Variants in ELMO1 observed in about 807,000 individuals in gnomAD.
ELMO1 encodes the protein engulfment and cell motility 1, also known as engulfment and cell motility protein 1.
ELMO1 carries 26 observed loss-of-function variants against 98.9 expected under a neutral mutation model. The observed-to-expected ratio is 0.26, with a 90% CI of 0.19 to 0.36. ELMO1 has a LOEUF of 0.36. Among genes scored for constraint, ELMO1 ranks in the 10% least tolerant of loss-of-function variants. The pLI is 1.00. For synonymous variants in ELMO1, 346 were observed against 346.0 expected, an observed-to-expected ratio of 1.00 and a Z score of 0.00; for missense variants, 627 against 935.2, an observed-to-expected ratio of 0.67 and a Z score of 4.30.
chr7:36,865,410 A>C (rs557174250), intron 20 of ELMO1, among the ~76,000 whole-genome samples: 1 of 152,356 alleles, frequency 6.6e-6, no homozygotes, highest in Non-Finnish European at 1.5e-5. Flanking sequence ...TCATTCATGT[A>C]GTACATAACA....
intron 11 of ELMO1, among the ~76,000 whole-genome samples, chr7:37,215,471 T>A (rs903390942): frequency 1.3e-5 from 2 of 152,150 alleles, no homozygotes; most frequent in Admixed American, 6.5e-5. Flanking sequence ...AAATGACTCC[T>A]TTCATATGCA....
chr7:37,083,363 G>T (rs1377671965), intron 15 of ELMO1, among the ~76,000 whole-genome samples: 1 of 152,068 alleles, frequency 6.6e-6, no homozygotes, highest in African/African-American at 2.4e-5. Flanking sequence ...TCCCCAAAGT[G>T]AATCTGATAC....
chr7:37,001,986 C>T (rs1792704503), intron 16 of ELMO1: 1 of 152,154 alleles, frequency 6.6e-6, no homozygotes, highest in South Asian at 2.1e-4. Context: ...GTTGGTGTAA[C>T]AGTTGCTGTC....
chr7:36,967,385 C>T (rs532988493), intron 16 of ELMO1, among the ~76,000 whole-genome samples: 28 of 152,188 alleles, frequency 1.8e-4, no homozygotes, highest in Non-Finnish European at 8.8e-5. Context: ...CTGGGCCACA[C>T]TCCTGAGGTA....
intron 13 of ELMO1, among the ~76,000 whole-genome samples, chr7:37,173,361 G>A (rs1047738768): frequency 5.3e-5 from 8 of 151,760 alleles, no homozygotes; most frequent in Non-Finnish European, 7.4e-5. Flanking sequence ...CATTGAGGGA[G>A]TACAAGCCAC....
intron 7 of ELMO1, among the ~76,000 whole-genome samples, chr7:37,234,655 T>C (rs1794366171): frequency 6.6e-6 from 1 of 151,622 alleles, no homozygotes; most frequent in African/African-American, 2.4e-5. Context: ...TATGCTTCTC[T>C]TTCCTCATTT....
chr7:36,987,777 G>GTGTTT (rs1226965628), intron 16 of ELMO1, among the ~76,000 whole-genome samples: 2 of 152,114 alleles, frequency 1.3e-5, no homozygotes, highest in Non-Finnish European at 2.9e-5. Context: ...TAGCCCACTG[G>GTGTTT]TGTTTTGTTT....
intron 2 of ELMO1, among the ~76,000 whole-genome samples, chr7:37,337,523 T>TAAAAA (rs57584545): frequency 7.5e-6 from 1 of 132,640 alleles, no homozygotes; most frequent in Admixed American, 7.7e-5. Context: ...ACTTAAAGTA[T>TAAAAA]AAAAAAAAAA....
intron 7 of ELMO1, among the ~76,000 whole-genome samples, chr7:37,236,778 A>G (rs1794489045): frequency 6.6e-6 from 1 of 152,184 alleles, no homozygotes; most frequent in East Asian, 1.9e-4. Flanking sequence ...AAGGGATTCA[A>G]TCACCTCTTT....
intron 2 of ELMO1, among the ~76,000 whole-genome samples, chr7:37,316,715 T>C (rs1451296497): frequency 1.3e-5 from 2 of 152,134 alleles, no homozygotes; most frequent in African/African-American, 4.8e-5. Context: ...GTCTCTAGGA[T>C]GGGGAGTATC....
At chr7:37,433,332 A>T (rs1327113373) in intron 1 of ELMO1, among the ~76,000 whole-genome samples, 1 of 152,202 alleles carries the variant, frequency 6.6e-6, no homozygotes, top group Non-Finnish European at 1.5e-5. Context: ...CTACTAAGAG[A>T]GAAGGACATG....
chr7:36,865,396 ACACT>A (rs889404188), intron 20 of ELMO1, among the ~76,000 whole-genome samples: 1 of 152,212 alleles, frequency 6.6e-6, no homozygotes, highest in African/African-American at 2.4e-5. Flanking sequence ...AAGGCAAAAA[ACACT>A]CATTCATGTA....
intron 1 of ELMO1, chr7:37,394,055 C>A (rs1214845133): frequency 6.6e-6 from 1 of 152,194 alleles, no homozygotes; most frequent in Non-Finnish European, 1.5e-5. Context: ...CAAGAAATAA[C>A]CCCCTTTTTA....
At chr7:37,033,822 C>T (rs184535802) in intron 15 of ELMO1, among the ~76,000 whole-genome samples, 3 of 152,172 alleles carry the variant, frequency 2.0e-5, no homozygotes, top group East Asian at 1.9e-4. Flanking sequence ...ATTCATTGCC[C>T]GAGGCAGAAG....
intron 15 of ELMO1, among the ~76,000 whole-genome samples, chr7:37,086,103 C>G (rs561577487): frequency 2.0e-5 from 3 of 152,286 alleles, no homozygotes; most frequent in Non-Finnish European, 2.9e-5. Flanking sequence ...CTCTGGACAC[C>G]ACTTCCAGAT....
At chr7:37,283,532 T>C (rs1797245921) in intron 4 of ELMO1, among the ~76,000 whole-genome samples, 1 of 152,194 alleles carries the variant, frequency 6.6e-6, no homozygotes, top group South Asian at 2.1e-4. Context: ...GGAATGTAAT[T>C]ATGTAGATGT....
chr7:36,870,497 G>T lies in ELMO1; in HGVS notation c.1823-22C>A, dbSNP rs753400678. 1.2e-6 allele frequency: 2 copies of T among 1,607,042 alleles called. No homozygotes were observed. The highest frequency in any genetic ancestry group is 8.5e-7 in the Non-Finnish European group (1 of 1,176,030). The stretch of plus-strand genomic sequence containing the variant: ...GGCACTGCAATTCATAAAAGAAAAT[G>T]CAAGTAACTACACCATGTGAAAACT... On this transcript the variant is annotated intron_variant, in intron 19 of 21. Coordinates refer to ENST00000310758, the MANE Select transcript of ELMO1 (RefSeq NM_014800.11). This position sits in a 1 kb window ranked among gnomAD's most constrained non-coding sequence, Gnocchi z 4.4.
At chr7:37,053,085 G>A (rs561445199) in intron 15 of ELMO1, among the ~76,000 whole-genome samples, 1 of 152,052 alleles carries the variant, frequency 6.6e-6, no homozygotes, top group Non-Finnish European at 1.5e-5. Flanking sequence ...TTCATTTCCA[G>A]ACATGGACAA....
At chr7:37,320,854 G>A (rs992618007) in intron 2 of ELMO1, among the ~76,000 whole-genome samples, 8 of 152,094 alleles carry the variant, frequency 5.3e-5, no homozygotes, top group Non-Finnish European at 1.0e-4. Context: ...TATTTTTAAT[G>A]ATAGCCTGGA....
Sources: gnomAD v4.1 joint callset for allele counts (sites outside exome capture counted in the v4.1 genomes callset) on GRCh38, gnomAD v4.1.1 for gene constraint, Gnocchi (gnomAD v3.1) non-coding constraint, MANE v1.5 for transcripts, NCBI Gene and HGNC (gene_info 2026-07-23, HGNC 2026-07-21) for gene names.